The following SYTL3 variants were observed in gnomAD, a reference collection of about 807,000 sequenced individuals.
The protein encoded by SYTL3 is synaptotagmin-like protein 3.
A neutral mutation model predicts 82.1 loss-of-function variants in SYTL3; 88 were observed. The observed-to-expected ratio is 1.07, with a 90% CI of 0.90 to 1.28. The LOEUF (loss-of-function observed/expected upper bound fraction) is 1.28. Ranked by LOEUF, SYTL3 falls within the 50% of genes most tolerant of loss-of-function variation. SYTL3 has a pLI of 0.00. For missense variants in SYTL3, 831 were observed against 757.6 expected (o/e 1.10, Z -1.14); for synonymous variants, 311 against 289.4 (o/e 1.07, Z -0.76).
chr6:158,706,552 C>T (rs1782117734), intron 6 of SYTL3, among the ~76,000 whole-genome samples: 1 of 152,138 alleles, frequency 6.6e-6, no homozygotes, highest in Non-Finnish European at 1.5e-5. Flanking sequence ...TGGGAACCTC[C>T]CTTAGCAGGA....
At chr6:158,654,350 A>C (rs1368939275) in intron 2 of SYTL3, among the ~76,000 whole-genome samples, 7 of 152,224 alleles carry the variant, frequency 4.6e-5, no homozygotes, top group Admixed American at 4.6e-4. Flanking sequence ...CGTGCTTGAT[A>C]CATAGAGGCC....
intron 11 of SYTL3, among the ~76,000 whole-genome samples, chr6:158,739,994 C>CT (rs35026438): frequency 0.26 from 27,107 of 105,036 alleles, 5,276 homozygotes; most frequent in African/African-American, 0.48. Flanking sequence ...AGGCAACTTA[C>CT]TTTTTTTTTT....
intron 15 of SYTL3, among the ~76,000 whole-genome samples, chr6:158,761,448 A>G (rs578133762): frequency 2.0e-5 from 3 of 151,454 alleles, no homozygotes; most frequent in East Asian, 2.0e-4. Context: ...GACTACAGGC[A>G]CCTGCCACCA....
chr6:158,670,451 C>A (rs766795194), intron 5 of SYTL3, among the ~76,000 whole-genome samples: 5 of 152,196 alleles, frequency 3.3e-5, no homozygotes, highest in Non-Finnish European at 7.3e-5. Flanking sequence ...TTTCCTGTTT[C>A]AAAACCTTAT....
chr6:158,666,772 A>T (rs1184650268), intron 5 of SYTL3, among the ~76,000 whole-genome samples: 1 of 152,202 alleles, frequency 6.6e-6, no homozygotes, highest in East Asian at 1.9e-4. Flanking sequence ...GCATTCATTT[A>T]CTTAAGTGTC....
chr6:158,714,364 G>GA (rs893941853), intron 9 of SYTL3, among the ~76,000 whole-genome samples: 183 of 123,242 alleles, frequency 1.5e-3, no homozygotes, highest in Middle Eastern at 4.1e-3. Context: ...AAAAGAAAAA[G>GA]AAAAAAAAAA....
intron 11 of SYTL3, among the ~76,000 whole-genome samples, chr6:158,743,176 G>A (rs1388951773): frequency 6.6e-6 from 1 of 152,116 alleles, no homozygotes; most frequent in Non-Finnish European, 1.5e-5. Context: ...ATGTGCTCCT[G>A]ATGCAAGGAG....
At chr6:158,742,629 G>T (rs1787085062) in intron 11 of SYTL3, among the ~76,000 whole-genome samples, 1 of 150,990 alleles carries the variant, frequency 6.6e-6, no homozygotes, top group Non-Finnish European at 1.5e-5. Flanking sequence ...AAGCTGGAGT[G>T]CAGTGGTGTG....
intron 5 of SYTL3, among the ~76,000 whole-genome samples, chr6:158,675,577 G>T (rs1295335736): frequency 3.3e-5 from 5 of 152,150 alleles, no homozygotes; most frequent in Non-Finnish European, 5.9e-5. Flanking sequence ...ACTTTGGGAG[G>T]CCGAGGTGGG....
At chr6:158,708,118 C>G (rs1359365573) in intron 7 of SYTL3, among the ~76,000 whole-genome samples, 3 of 152,066 alleles carry the variant, frequency 2.0e-5, no homozygotes, top group Non-Finnish European at 4.4e-5. Context: ...GCAGCATCGC[C>G]CTCATATAGA....
At chr6:158,692,995 A>G (rs1780085324) in intron 6 of SYTL3, among the ~76,000 whole-genome samples, 1 of 151,570 alleles carries the variant, frequency 6.6e-6, no homozygotes, top group Non-Finnish European at 1.5e-5. Flanking sequence ...TACGTAGCTG[A>G]CTCTATCCCA....
At chr6:158,668,972 C>T (rs1446998540) in intron 5 of SYTL3, among the ~76,000 whole-genome samples, 1 of 152,150 alleles carries the variant, frequency 6.6e-6, no homozygotes, top group African/African-American at 2.4e-5. Context: ...GAAGGGGCTC[C>T]TGTTGTCCTC....
chr6:158,718,131 C>T lies in SYTL3; in HGVS notation c.640C>T (p.Leu214Phe). ...TGATATGACTTCTGAGAAGCATCTTCTCGCCACGGGCCCCAGGCAGTGTGT... is the reference window on the plus strand; with the variant it reads ...TGATATGACTTCTGAGAAGCATCTTTTCGCCACGGGCCCCAGGCAGTGTGT... Reference protein sequence around the residue: ...QNDMTSEKHLLATGPRQCVGQ... With the variant: ...QNDMTSEKHLFATGPRQCVGQ... The change falls in exon 10 of 18, where the codon CTC becomes TTC. Residue 214 changes from leucine to phenylalanine, a missense_variant. Leu to Phe is a conservative substitution (Grantham distance 22). Coordinates refer to ENST00000611299, the MANE Select transcript of SYTL3 (RefSeq NM_001242394.2). 2 of 1,546,726 alleles carry T rather than the reference C, an allele frequency of 1.3e-6. No homozygotes were observed. The highest frequency in any genetic ancestry group is 1.7e-6 in the Non-Finnish European group (2 of 1,145,174).
At chr6:158,702,960 C>T (rs1781490497) in intron 6 of SYTL3, among the ~76,000 whole-genome samples, 1 of 151,904 alleles carries the variant, frequency 6.6e-6, no homozygotes, top group African/African-American at 2.4e-5. Context: ...CGAGACCATC[C>T]TGGCTAATAC....
chr6:158,703,513 A>G (rs540960072), intron 6 of SYTL3, among the ~76,000 whole-genome samples: 2 of 152,222 alleles, frequency 1.3e-5, no homozygotes, highest in Non-Finnish European at 2.9e-5. Context: ...GGAAGCTTCT[A>G]GGAAGAAACA....
At chr6:158,673,988 G>T (rs1228478952) in intron 5 of SYTL3, among the ~76,000 whole-genome samples, 1 of 150,884 alleles carries the variant, frequency 6.6e-6, no homozygotes, top group Non-Finnish European at 1.5e-5. Flanking sequence ...GGAGGCTGAG[G>T]CAGGAGAATC....
At chr6:158,697,154 G>C (rs1266626891) in intron 6 of SYTL3, among the ~76,000 whole-genome samples, 2 of 151,536 alleles carry the variant, frequency 1.3e-5, no homozygotes, top group African/African-American at 4.9e-5. Context: ...AATAAAATGG[G>C]GAAGCTGGGC....
chr6:158,705,900 G>A (rs557536500), intron 6 of SYTL3, among the ~76,000 whole-genome samples: 216 of 152,250 alleles, frequency 1.4e-3, no homozygotes, highest in African/African-American at 4.7e-3. Flanking sequence ...GCCCCAGGAT[G>A]GGCAGGATGA....
chr6:158,727,740 G>A (rs1164328736), intron 11 of SYTL3, among the ~76,000 whole-genome samples: 4 of 129,448 alleles, frequency 3.1e-5, no homozygotes, highest in Admixed American at 8.4e-5. Flanking sequence ...CTGGAGTGCA[G>A]TGGCACGATC....
Sources: allele counts gnomAD v4.1 joint callset (sites outside exome capture counted in the v4.1 genomes callset), GRCh38; gene constraint gnomAD v4.1.1; transcripts MANE v1.5; gene names NCBI Gene and HGNC (gene_info 2026-07-23, HGNC 2026-07-21).